FAF1: variants seen among roughly 807,000 people sequenced by gnomAD.
The protein encoded by FAF1 is Fas associated factor 1, also known as FAS-associated factor 1.
Under a neutral mutation model 92.5 loss-of-function variants are expected in FAF1, and 25 were observed. The ratio of observed to expected loss-of-function variants is 0.27; its 90% CI spans 0.20 to 0.38. The LOEUF (loss-of-function observed/expected upper bound fraction) is 0.38. Among genes scored for constraint, FAF1 ranks in the 10% least tolerant of loss-of-function variants. FAF1 has a pLI of 1.00. For missense variants in FAF1, 636 were observed against 793.3 expected (o/e 0.80, Z 2.38); for synonymous variants, 234 against 273.2 (o/e 0.86, Z 1.42).
At chr1:50,870,228 GGACT>G (rs566863936) in intron 1 of FAF1, among the ~76,000 whole-genome samples, 45 of 152,320 alleles carry the variant, frequency 3.0e-4, no homozygotes, top group African/African-American at 1.0e-3. Context: ...AGGCCAAGGC[GGACT>G]GACTGACTGA....
At chr1:50,471,969 A>G (rs1646578395) in intron 18 of FAF1, among the ~76,000 whole-genome samples, 1 of 152,154 alleles carries the variant, frequency 6.6e-6, no homozygotes, top group South Asian at 2.1e-4. Flanking sequence ...GGGAAGGGGT[A>G]GAAAAGGAAA....
In FAF1 at chr1:50,554,780, A is replaced by G. The variant is rs1187041857; in HGVS notation, c.1268+12297T>C. ...AAAACAACTGTATCCAAGTCAGAAT[A>G]TTACAGACAAAGGTCTCAGGTCAAA... is the stretch of plus-strand genomic sequence containing the variant. On this transcript the variant is annotated intron_variant, in intron 13 of 18. Transcript: ENST00000396153. Among the ~76,000 whole-genome samples, 5 of 152,186 alleles carry G rather than the reference A, an allele frequency of 3.3e-5. No homozygotes were observed. In the East Asian group the frequency reaches 9.6e-4, roughly 29 times the overall value.
At chr1:50,595,573 C>T (rs911329716) in intron 9 of FAF1, among the ~76,000 whole-genome samples, 2 of 151,946 alleles carry the variant, frequency 1.3e-5, no homozygotes, top group Admixed American at 1.3e-4. Context: ...GATGCATTCT[C>T]ATGCTGTTGC....
At chr1:50,590,031 T>C (rs1319315783) in intron 9 of FAF1, among the ~76,000 whole-genome samples, 1 of 152,258 alleles carries the variant, frequency 6.6e-6, no homozygotes, top group Non-Finnish European at 1.5e-5. Flanking sequence ...TCCATTGGGC[T>C]ATATGTTAGT....
chr1:50,909,602 C>T (rs1570128533), intron 1 of FAF1, among the ~76,000 whole-genome samples: 1 of 152,184 alleles, frequency 6.6e-6, no homozygotes, highest in East Asian at 1.9e-4. Context: ...CTAAACTTCT[C>T]TTCTTGCTTC....
intron 2 of FAF1, among the ~76,000 whole-genome samples, chr1:50,820,849 G>A (rs1401134270): frequency 3.3e-5 from 5 of 150,096 alleles, no homozygotes; most frequent in South Asian, 2.1e-4. Context: ...GAATAATAAT[G>A]TGTGTGTGTG....
intron 8 of FAF1, among the ~76,000 whole-genome samples, chr1:50,613,261 T>A (rs1652760094): frequency 6.6e-6 from 1 of 152,212 alleles, no homozygotes; most frequent in African/African-American, 2.4e-5. Flanking sequence ...GTGAAAAGTA[T>A]AAGGTTCAAA....
intron 1 of FAF1, among the ~76,000 whole-genome samples, chr1:50,917,570 G>T (rs1644926870): frequency 7.3e-6 from 1 of 137,534 alleles, no homozygotes; most frequent in Non-Finnish European, 1.6e-5. Context: ...TAGAAGCCAA[G>T]GAAAGGAAAA....
At position 50,803,861 on chromosome 1, in the gene FAF1, A is replaced by C. The variant is rs1480260823; in HGVS notation, c.115-2184T>G. ...CAGCAAACTCTGTACATAAATAAATAAAATGTAATCCAGAATAAAGGTACA... is the reference window on the plus strand; with the variant it reads ...CAGCAAACTCTGTACATAAATAAATCAAATGTAATCCAGAATAAAGGTACA... On this transcript the variant is annotated intron_variant, in intron 2 of 18. Coordinates refer to ENST00000396153, the MANE Select transcript of FAF1 (RefSeq NM_007051.3). Among the ~76,000 whole-genome samples the C allele has an allele frequency of 5.3e-5, 8 of 152,318 alleles. No homozygotes were observed. In the South Asian group the frequency reaches 1.7e-3, roughly 32 times the overall value.
rs543352146 is a variant in FAF1 at position 50,528,042 on chromosome 1, A to AT, written c.1494+7326dup. ...CATACTTGGCTAATTTTTTTTCCCT[A>AT]TTTTTTGTAGAGATGGGGTTTCCAC... On this transcript the variant is annotated intron_variant, in intron 15 of 18. Transcript: ENST00000396153. Among the ~76,000 whole-genome samples, 6 of 151,176 alleles carry AT rather than the reference A, an allele frequency of 4.0e-5. No individual in the cohort carries two copies. The East Asian group carries it at 9.8e-4, about 25-fold the overall frequency.
At chr1:50,871,882 G>A (rs754943060) in intron 1 of FAF1, among the ~76,000 whole-genome samples, 5 of 151,902 alleles carry the variant, frequency 3.3e-5, no homozygotes, top group African/African-American at 4.8e-5. Flanking sequence ...TGGCTAACAC[G>A]GTGAAACCCC....
intron 18 of FAF1, among the ~76,000 whole-genome samples, chr1:50,471,744 A>T (rs572622766): frequency 2.6e-5 from 4 of 152,188 alleles, no homozygotes; most frequent in African/African-American, 9.6e-5. Flanking sequence ...GCCATTCCTC[A>T]TCCTCCTTTC....
At chr1:50,954,857 T>TA (rs1645252204) in intron 1 of FAF1, among the ~76,000 whole-genome samples, 3 of 152,162 alleles carry the variant, frequency 2.0e-5, no homozygotes, top group African/African-American at 7.2e-5. Flanking sequence ...CATTTGTTTT[T>TA]AATTAGCCAG....
Position 50,857,991 on chromosome 1 carries a change from T to C in FAF1, c.52A>G (p.Thr18Ala). 1 of 1,593,840 alleles carries C rather than the reference T, an allele frequency of 6.3e-7. No homozygotes were observed. The highest frequency in any genetic ancestry group is 8.5e-7 in the Non-Finnish European group (1 of 1,170,058). The change falls in exon 2 of 19, where the codon ACT becomes GCT. Residue 18 changes from threonine (T) to alanine (A), a missense_variant. Physicochemically the swap from Thr to Ala is moderately conservative, Grantham distance 58. Coordinates refer to ENST00000396153, the MANE Select transcript of FAF1 (RefSeq NM_007051.3). ...EMILADFQAC[T>A]GIENIDEAIT... is the part of the protein sequence containing the mutation. ...GCTTCGTCAATGTTTTCAATGCCAGTACATGCCTGGAAAGAAAGTAAATAA... is the reference window on the plus strand; with the variant it reads ...GCTTCGTCAATGTTTTCAATGCCAGCACATGCCTGGAAAGAAAGTAAATAA...
At chr1:50,519,393 AGGGAAGGAG>A (rs1447529521) in intron 15 of FAF1, among the ~76,000 whole-genome samples, 4 of 80,834 alleles carry the variant, frequency 4.9e-5, no homozygotes, top group Non-Finnish European at 9.2e-5. Context: ...GGAGGGAGGG[AGGGAAGGAG>A]GGAGGGAGGG....
chr1:50,545,618 C>T (rs1277303845), intron 13 of FAF1, among the ~76,000 whole-genome samples: 5 of 151,700 alleles, frequency 3.3e-5, no homozygotes, highest in Non-Finnish European at 5.9e-5. Context: ...AAACATTTTT[C>T]ACCTGTCAGA....
chr1:50,643,090 A>G (rs1654424694), intron 8 of FAF1, among the ~76,000 whole-genome samples: 1 of 152,184 alleles, frequency 6.6e-6, no homozygotes, highest in African/African-American at 2.4e-5. Context: ...TCGGCCTCCC[A>G]AAGTGCTGGG....
rs746368606 is a variant in FAF1 at position 50,825,614 on chromosome 1, G to A, written c.115-23937C>T. Among the ~76,000 whole-genome samples, 6 of 151,774 alleles carry A rather than the reference G, an allele frequency of 4.0e-5. No homozygotes were observed. The South Asian group carries it at 6.2e-4, about 16-fold the overall frequency. On this transcript the variant is annotated intron_variant, in intron 2 of 18. Transcript: ENST00000396153. ...ATATCTACCAGTAATTGATAGAGAA[G>A]GGGAAAAAAACAAAATTCTTACTAA...
intron 8 of FAF1, among the ~76,000 whole-genome samples, chr1:50,647,311 T>A (rs1028604231): frequency 1.3e-5 from 2 of 152,372 alleles, no homozygotes; most frequent in African/African-American, 4.8e-5. Context: ...CACTGCTAAA[T>A]GTTCAAACTG....
Sources: allele counts gnomAD v4.1 joint callset (sites outside exome capture counted in the v4.1 genomes callset), GRCh38; gene constraint gnomAD v4.1.1; transcripts MANE v1.5; gene names NCBI Gene and HGNC (gene_info 2026-07-23, HGNC 2026-07-21).